ZKSCAN1: variants seen among roughly 807,000 people sequenced by gnomAD.
The protein encoded by ZKSCAN1 is zinc finger protein with KRAB and SCAN domains 1.
In ZKSCAN1, 14 loss-of-function variants were observed where a neutral mutation model predicts 51.6. That is an observed-to-expected ratio of 0.27 (90% CI 0.18 to 0.42). The LOEUF is 0.42. ZKSCAN1 is among the 10% of genes least tolerant of loss of function. ZKSCAN1 has a pLI of 1.00. For synonymous variants in ZKSCAN1, 263 were observed against 261.5 expected (o/e 1.01, Z -0.06); for missense variants, 531 against 710.0 (o/e 0.75, Z 2.86).
chr7:100,034,686 G>T lies in ZKSCAN1; in HGVS notation c.*489G>T. 4.7e-6 allele frequency: 2 copies of T among 428,136 alleles called. No homozygotes were observed. The highest frequency in any genetic ancestry group is 6.3e-6 in the Non-Finnish European group (2 of 319,162). The allele number at this position is 428,136 out of a possible 1,614,324, so 26.5% of individuals were successfully genotyped here. On this transcript the variant is annotated 3_prime_UTR_variant, in exon 6 of 6. Transcript: ENST00000324306. ...ACGACATTGGGACATGCTGCTCAAGGTAGTTATATATACGATAAGTTGTAT... is the reference window on the plus strand; with the variant it reads ...ACGACATTGGGACATGCTGCTCAAGTTAGTTATATATACGATAAGTTGTAT...
rs1791287616 is a variant in ZKSCAN1, at chr7:100,034,978, A to G, written c.*781A>G. The G allele has an allele frequency of 6.6e-6, 1 of 152,612 alleles. No homozygotes were observed. The highest frequency in any genetic ancestry group is 6.5e-5 in the Admixed American group (1 of 15,276). The allele number at this position is 152,612 out of a possible 1,614,324, so 9.5% of individuals were successfully genotyped here. A position where few individuals can be genotyped will look rare whatever the true frequency, so the allele number is the denominator to read the frequency against. ...TAAATGCATTTCTCCACAAGTTAGC[A>G]CTTGATTGTATACTGTCTTTTAATC... On this transcript the variant is annotated 3_prime_UTR_variant, in exon 6 of 6. Transcript: ENST00000324306.
At chr7:100,042,923 G>A (rs1026902535), downstream of ZKSCAN1, among the ~76,000 whole-genome samples, 3 of 150,944 alleles carry the variant, frequency 2.0e-5, no homozygotes, top group South Asian at 2.1e-4. Context: ...TCAGCCTCCC[G>A]AGTAGCTGGG....
chr7:100,030,017 A>G, intron 4 of ZKSCAN1, 65 bp downstream of exon 4: 1 of 1,572,230 alleles, frequency 6.4e-7, no homozygotes, highest in Non-Finnish European at 8.7e-7. Flanking sequence ...AGCTCTCTTC[A>G]TTATCTCCAC....
chr7:100,042,776 C>T (rs1172454695), downstream of ZKSCAN1, among the ~76,000 whole-genome samples: 1 of 147,796 alleles, frequency 6.8e-6, no homozygotes, highest in Non-Finnish European at 1.5e-5. Flanking sequence ...GAATACACCA[C>T]CACACCCAGG....
At chr7:100,043,671 G>C (rs1791653259), downstream of ZKSCAN1, among the ~76,000 whole-genome samples, 1 of 151,672 alleles carries the variant, frequency 6.6e-6, no homozygotes, top group South Asian at 2.1e-4. Context: ...CACCATGCAA[G>C]GGCCTAAAAT....
At position 100,018,133 on chromosome 7, in the gene ZKSCAN1, A is replaced by G. The variant is rs1790446156; in HGVS notation, c.-89+2407A>G. Among the ~76,000 whole-genome samples, 4 of 152,178 alleles carry G rather than the reference A, an allele frequency of 2.6e-5. No homozygotes were observed. The South Asian group carries it at 8.3e-4, about 32-fold the overall frequency. On this transcript the variant is annotated intron_variant, in intron 1 of 5. Coordinates refer to ENST00000324306, the MANE Select transcript of ZKSCAN1 (RefSeq NM_003439.4). ...GAGAGGTTAACTTGTTGACTTGCCT[A>G]AGGCCGTCAACTAGTAAGGGGTGGA...
intron 5 of ZKSCAN1, among the ~76,000 whole-genome samples, chr7:100,031,541 A>T (rs1328377602): frequency 6.6e-6 from 1 of 152,082 alleles, no homozygotes; most frequent in African/African-American, 2.4e-5. Context: ...CACTTCCTGG[A>T]GTTCTGGGAT....
Position 100,038,009 on chromosome 7 carries a change from G to A in ZKSCAN1, c.*3812G>A, listed in dbSNP as rs544692110. The stretch of plus-strand genomic sequence containing the variant: ...GCACTCCAGCCTTGAGTGACAGAGC[G>A]AGGCTCTGTATCAAAAAAAAAAGTT... On this transcript the variant is annotated 3_prime_UTR_variant, in exon 6 of 6. Coordinates refer to ENST00000324306, the MANE Select transcript of ZKSCAN1 (RefSeq NM_003439.4). The A allele has an allele frequency of 1.4e-5, 14 of 982,922 alleles. No homozygotes were observed. In the South Asian group the frequency reaches 1.9e-4, roughly 13 times the overall value. The allele number at this position is 982,922 out of a possible 1,614,324, so 60.9% of individuals were successfully genotyped here.
At position 100,039,549 on chromosome 7, in the gene ZKSCAN1, T is replaced by C. The variant is rs1205708741; in HGVS notation, c.*5352T>C. On this transcript the variant is annotated 3_prime_UTR_variant, in exon 6 of 6. Transcript: ENST00000324306. ...GAGAGGTTTTGCAAAGACTCGTTGC[T>C]GTGAAAGAATCTTTTTTTAATTTTT... The C allele has an allele frequency of 2.0e-6, 2 of 985,314 alleles. No homozygotes were observed. The highest frequency in any genetic ancestry group is 2.4e-6 in the Non-Finnish European group (2 of 829,942). 61.0% of individuals were successfully genotyped at this position (985,314 alleles called of 1,614,324 possible). A position where few individuals can be genotyped will look rare whatever the true frequency, so the allele number is the denominator to read the frequency against.
At chr7:100,026,848 CAT>C (rs1487070428) in intron 3 of ZKSCAN1, among the ~76,000 whole-genome samples, 4 of 152,022 alleles carry the variant, frequency 2.6e-5, no homozygotes, top group Admixed American at 1.3e-4. Context: ...AAAAGACAAA[CAT>C]GTTGCACAGC....
chr7:100,023,848 C>G lies in ZKSCAN1; in HGVS notation c.342C>G (p.Val114=), dbSNP rs1790699426. 1 of 1,614,056 alleles carries G rather than the reference C, an allele frequency of 6.2e-7. No homozygotes were observed. The highest frequency in any genetic ancestry group is 1.3e-5 in the African/African-American group (1 of 75,036). ...FLSILPKELQ[V]WLQEYRPDSG... ...CCATCCTGCCCAAGGAGCTCCAGGTCTGGCTGCAGGAATACCGCCCCGATA... is the reference window on the plus strand; with the variant it reads ...CCATCCTGCCCAAGGAGCTCCAGGTGTGGCTGCAGGAATACCGCCCCGATA... Residue 114 remains valine (V), a synonymous_variant, in exon 2 of 6, where the codon GTC becomes GTG. Transcript: ENST00000324306.
In ZKSCAN1 at chr7:100,039,540, A is replaced by T. The variant is rs1313628919; in HGVS notation, c.*5343A>T. The stretch of plus-strand genomic sequence containing the variant: ...TTATTAGGAGAGAGGTTTTGCAAAG[A>T]CTCGTTGCTGTGAAAGAATCTTTTT... On this transcript the variant is annotated 3_prime_UTR_variant, in exon 6 of 6. Coordinates refer to ENST00000324306, the MANE Select transcript of ZKSCAN1 (RefSeq NM_003439.4). 11 of 985,060 alleles carry T rather than the reference A, an allele frequency of 1.1e-5. No homozygotes were observed. In the East Asian group the frequency reaches 1.1e-3, roughly 102 times the overall value. 61.0% of individuals were successfully genotyped at this position (985,060 alleles called of 1,614,324 possible).
intron 1 of ZKSCAN1, among the ~76,000 whole-genome samples, chr7:100,016,129 C>T (rs1790350195): frequency 6.6e-6 from 1 of 151,504 alleles, no homozygotes; most frequent in South Asian, 2.1e-4. Flanking sequence ...GGTGAGGTGT[C>T]TTTTTCCCCC....
At chr7:100,022,787 G>A (rs1307527417) in intron 1 of ZKSCAN1, among the ~76,000 whole-genome samples, 11 of 152,132 alleles carry the variant, frequency 7.2e-5, no homozygotes, top group Non-Finnish European at 1.3e-4. Context: ...AAGATGGTGC[G>A]TGTACTGCTT....
chr7:100,024,585 C>G, intron 3 of ZKSCAN1: 1 of 353,450 alleles, frequency 2.8e-6, no homozygotes, highest in East Asian at 6.3e-5. Flanking sequence ...CAGCAAGGAC[C>G]CTGTCTCAAA....
chr7:100,032,457 T>G (rs1260140407), intron 5 of ZKSCAN1, among the ~76,000 whole-genome samples: 1 of 152,224 alleles, frequency 6.6e-6, no homozygotes, highest in African/African-American at 2.4e-5. Flanking sequence ...CTCCACTCTT[T>G]GCCTGCGCTC....
In ZKSCAN1 at chr7:100,029,923, G is replaced by A. The variant is rs371060749; in HGVS notation, c.643G>A (p.Ala215Thr). The A allele has an allele frequency of 6.2e-7, 1 of 1,614,000 alleles. No individual in the cohort carries two copies. Among genetic ancestry groups the A allele is most frequent in the African/African-American group, 1.3e-5 (1 of 74,912 alleles). Residue 215 changes from alanine (A) to threonine (T), a missense_variant, in exon 4 of 6, where the codon GCA becomes ACA. Around this residue, in one of 2 missense-constraint regions of ZKSCAN1, gnomAD observed 403 missense variants for 490.5 expected, o/e 0.82. Coordinates refer to ENST00000324306, the MANE Select transcript of ZKSCAN1 (RefSeq NM_003439.4). The part of the protein sequence containing the change: ...HEGSPRDQAM[A>T]SALFTADSQA... ...GGGTAGTCCCAGAGACCAGGCGATG[G>A]CATCTGCACTATTCACAGCGGATTC...
chr7:100,025,237 A>T (rs1790774351), intron 3 of ZKSCAN1, among the ~76,000 whole-genome samples: 1 of 150,464 alleles, frequency 6.6e-6, no homozygotes, highest in East Asian at 2.0e-4. Flanking sequence ...AGGATCATAA[A>T]TCTTTTTTAA....
chr7:100,034,502 G>A lies in ZKSCAN1; in HGVS notation c.*305G>A. 1 of 1,087,408 alleles carries A rather than the reference G, an allele frequency of 9.2e-7. No homozygotes were observed. The highest frequency in any genetic ancestry group is 1.6e-5 in the African/African-American group (1 of 60,910). The allele number at this position is 1,087,408 out of a possible 1,614,324, so 67.4% of individuals were successfully genotyped here. A position where few individuals can be genotyped will look rare whatever the true frequency, so the allele number is the denominator to read the frequency against. On this transcript the variant is annotated 3_prime_UTR_variant, in exon 6 of 6. Coordinates refer to ENST00000324306, the MANE Select transcript of ZKSCAN1 (RefSeq NM_003439.4). Reference sequence around the variant, plus strand: ...TTTCAGTAATGAGGATACCTTTAAGGCACTCTTGGACTCTCGGCAACCACA... The same window carrying A: ...TTTCAGTAATGAGGATACCTTTAAGACACTCTTGGACTCTCGGCAACCACA...
Sources: allele counts gnomAD v4.1 joint callset (sites outside exome capture counted in the v4.1 genomes callset), GRCh38; gene constraint gnomAD v4.1.1; regional missense constraint gnomAD v4.1.1; transcripts MANE v1.5; gene names NCBI Gene and HGNC (gene_info 2026-07-23, HGNC 2026-07-21).